SLC16A3: variants seen among roughly 807,000 people sequenced by gnomAD.
SLC16A3 encodes solute carrier family 16 member 3.
A neutral mutation model predicts 25.0 loss-of-function variants in SLC16A3; 22 were observed. That is an observed-to-expected ratio of 0.88 (90% CI 0.63 to 1.26). SLC16A3 has a LOEUF of 1.26. SLC16A3 is among the 50% of genes most tolerant of loss of function. The pLI is 0.00. For missense variants in SLC16A3, 731 were observed against 666.6 expected, an observed-to-expected ratio of 1.10 and a Z score of -1.06; for synonymous variants, 390 against 309.2, an observed-to-expected ratio of 1.26 and a Z score of -2.74.
rs773686664 is a variant in SLC16A3, at chr17:82,237,562, C to T, written c.792C>T (p.Ala264=). 5 of 1,611,362 alleles carry T rather than the reference C, an allele frequency of 3.1e-6. No homozygotes were observed. The Admixed American group carries it at 5.0e-5, about 16-fold the overall frequency. Residue 264 remains alanine (A), a synonymous_variant, in exon 4 of 5, where the codon GCC becomes GCT. Coordinates refer to ENST00000582743, the MANE Select transcript of SLC16A3 (RefSeq NM_004207.4). ...TGGGCGTGCCCGACACCAAGGCCGC[C>T]TTCCTGCTCACCATCCTGGGCTTCA... is the stretch of plus-strand genomic sequence containing the variant. ...KDLGVPDTKA[A]FLLTILGFID...
intron 1 of SLC16A3, chr17:82,233,854 T>G (rs2050540858): frequency 6.6e-6 from 1 of 152,220 alleles, no homozygotes; most frequent in South Asian, 2.1e-4. Flanking sequence ...TTTTATTTTT[T>G]TTTTGAGACA....
Position 82,237,283 on chromosome 17 carries a change from G to T in SLC16A3, c.513G>T (p.Gln171His). 6.4e-7 allele frequency: 1 copy of T among 1,563,634 alleles called. No homozygotes were observed. Among genetic ancestry groups the T allele is most frequent in the East Asian group, 2.4e-5 (1 of 42,000 alleles). ...TGAGCCCGCTGGGGCAGCTGCTGCA[G>T]GACCGCTACGGCTGGCGGGGCGGCT... The part of the protein sequence containing the change: ...CALSPLGQLL[Q>H]DRYGWRGGFL... Residue 171 changes from glutamine to histidine, a missense_variant, in exon 4 of 5, where the codon CAG (glutamine) becomes CAT (histidine). By Grantham distance (24) the Gln-to-His change is conservative (BLOSUM62 0). Transcript: ENST00000582743.
upstream of SLC16A3, among the ~76,000 whole-genome samples, chr17:82,227,437 G>C (rs2050430167): frequency 6.6e-6 from 1 of 152,150 alleles, no homozygotes; most frequent in African/African-American, 2.4e-5. Flanking sequence ...CTGGGATGGG[G>C]AGCACGGTAC....
chr17:82,229,547 G>T (rs536034270), intron 1 of SLC16A3: 1 of 152,350 alleles, frequency 6.6e-6, no homozygotes, highest in Non-Finnish European at 1.5e-5. Flanking sequence ...GAGCACTTGC[G>T]CTCGGGCCGT....
chr17:82,239,230 C>T lies in SLC16A3; in HGVS notation c.*254C>T. On this transcript the variant is annotated 3_prime_UTR_variant, in exon 5 of 5. Coordinates refer to ENST00000582743, the MANE Select transcript of SLC16A3 (RefSeq NM_004207.4). ...CTCACCAGGGGCCCCGCCTGCTGCTCCCAGGTGGCCTGCGGCCACTGCTAT... is the reference window on the plus strand; with the variant it reads ...CTCACCAGGGGCCCCGCCTGCTGCTTCCAGGTGGCCTGCGGCCACTGCTAT... The T allele has an allele frequency of 3.6e-6, 1 of 279,952 alleles. No homozygotes were observed. Among genetic ancestry groups the T allele is most frequent in the East Asian group, 5.9e-5 (1 of 16,992 alleles). 17.3% of individuals were successfully genotyped at this position (279,952 alleles called of 1,614,324 possible). A position where few individuals can be genotyped will look rare whatever the true frequency, so the allele number is the denominator to read the frequency against.
intron 1 of SLC16A3, among the ~76,000 whole-genome samples, chr17:82,222,784 C>A (rs978642927): frequency 8.6e-5 from 10 of 116,840 alleles, no homozygotes; most frequent in African/African-American, 2.7e-4. Context: ...GCCTGGGGGA[C>A]AAGAGCGAGA....
intron 1 of SLC16A3, among the ~76,000 whole-genome samples, chr17:82,221,394 GTACAAAAACA>G (rs1380516099): frequency 6.6e-6 from 1 of 151,660 alleles, no homozygotes; most frequent in Non-Finnish European, 1.5e-5. Flanking sequence ...AACCCTGTCT[GTACAAAAACA>G]TACAAAAACA....
rs151041211 is a variant in SLC16A3, at chr17:82,218,969, G to C, written c.-27+785G>C. Among the ~76,000 whole-genome samples the C allele has an allele frequency of 3.3e-5, 5 of 152,278 alleles. No homozygotes were observed. In the East Asian group the frequency reaches 9.6e-4, roughly 29 times the overall value. On this transcript the variant is annotated intron_variant, in intron 1 of 4. Transcript: ENST00000580098. ...ACATGGGGGTTGAGGATAAGGGAGA[G>C]AAAGGCTGAGGCAGCCCCGTGTGAG... is the stretch of plus-strand genomic sequence containing the variant.
chr17:82,233,620 T>G (rs1204738135), intron 1 of SLC16A3: 1 of 152,264 alleles, frequency 6.6e-6, no homozygotes, highest in Non-Finnish European at 1.5e-5. Flanking sequence ...TACCTCTTTG[T>G]GTTTTGCAGG....
intron 1 of SLC16A3, chr17:82,234,450 TCTG>T (rs1312199201): frequency 6.6e-6 from 1 of 152,258 alleles, no homozygotes; most frequent in East Asian, 1.9e-4. Context: ...GGGGGTCTGT[TCTG>T]CTCCAGTGGG....
upstream of SLC16A3, among the ~76,000 whole-genome samples, chr17:82,227,693 G>A (rs375716798): frequency 1.8e-3 from 274 of 148,886 alleles, 12 homozygotes; most frequent in African/African-American, 5.7e-3. Context: ...AGCAGCACGG[G>A]CCAACTAAGT....
chr17:82,233,075 C>T lies in SLC16A3; in HGVS notation c.-26-2908C>T, dbSNP rs184685939. Reference sequence around the variant, plus strand: ...TCTGTACCTTGGCCCATCACGGTGCCGGGGTTATCCTGGAAGATGGGGAGT... The same window carrying T: ...TCTGTACCTTGGCCCATCACGGTGCTGGGGTTATCCTGGAAGATGGGGAGT... On this transcript the variant is annotated intron_variant, in intron 1 of 4. Transcript: ENST00000582743. Among the ~76,000 whole-genome samples, 123 of 152,254 alleles carry T rather than the reference C, an allele frequency of 8.1e-4. No homozygotes were observed. The East Asian group carries it at 0.012, about 15-fold the overall frequency.
intron 3 of SLC16A3, 82 bp downstream of exon 3, chr17:82,236,954 A>G: frequency 6.4e-7 from 1 of 1,556,866 alleles, no homozygotes. Flanking sequence ...AGGCCTCTGG[A>G]GGACAGCAGG....
Position 82,239,074 on chromosome 17 carries a change from G to T in SLC16A3, c.*98G>T. ...CTGGACTGGCTCAGGCAGGGCCACG[G>T]CTGGGCTCCAGCTGCCGGCCCAGCG... On this transcript the variant is annotated 3_prime_UTR_variant, in exon 5 of 5. Coordinates refer to ENST00000582743, the MANE Select transcript of SLC16A3 (RefSeq NM_004207.4). 8.0e-7 allele frequency: 1 copy of T among 1,245,976 alleles called. No individual in the cohort carries two copies. The highest frequency in any genetic ancestry group is 1.1e-6 in the Non-Finnish European group (1 of 921,550). The allele number at this position is 1,245,976 out of a possible 1,614,324, so 77.2% of individuals were successfully genotyped here.
In SLC16A3 at chr17:82,237,658, C is replaced by G; in HGVS notation, c.888C>G (p.Tyr296Ter). The G allele has an allele frequency of 6.2e-7, 1 of 1,613,042 alleles. No homozygotes were observed. Among genetic ancestry groups the G allele is most frequent in the Non-Finnish European group, 8.5e-7 (1 of 1,179,926 alleles). Reference sequence around the variant, plus strand: ...GGAAGGTGCGGCCCTACTCCGTCTACCTCTTCAGCTTCTCCATGTTCTTCA... The same window carrying G: ...GGAAGGTGCGGCCCTACTCCGTCTAGCTCTTCAGCTTCTCCATGTTCTTCA... ...GLGKVRPYSV[Y>*]LFSFSMFFNG... The change falls in exon 4 of 5, where the codon TAC (tyrosine) becomes TAG (stop). Residue 296 changes from tyrosine to a stop codon, truncating the protein, a stop_gained. Coordinates refer to ENST00000582743, the MANE Select transcript of SLC16A3 (RefSeq NM_004207.4). LOFTEE classifies it high-confidence loss of function.
rs976930289 is a variant in SLC16A3, at chr17:82,237,160, C to G, written c.390C>G (p.Phe130Leu). Reference sequence around the variant, plus strand: ...CAGGGTTGGGTTTGGCACTCAACTTCCAGCCCTCGCTCATCATGCTGAACC... The same window carrying G: ...CAGGGTTGGGTTTGGCACTCAACTTGCAGCCCTCGCTCATCATGCTGAACC... The part of the protein sequence containing the change: ...VITGLGLALN[F>L]QPSLIMLNRY... Residue 130 changes from phenylalanine (F) to leucine (L), a missense_variant, in exon 4 of 5, where the codon TTC becomes TTG. Transcript: ENST00000582743. 2 of 1,511,040 alleles carry G rather than the reference C, an allele frequency of 1.3e-6. No individual in the cohort carries two copies. Among genetic ancestry groups the G allele is most frequent in the Non-Finnish European group, 1.8e-6 (2 of 1,128,840 alleles). The allele number at this position is 1,511,040 out of a possible 1,614,324, so 93.6% of individuals were successfully genotyped here.
At position 82,236,160 on chromosome 17, in the gene SLC16A3, A is replaced by G. The variant is rs1489666928; in HGVS notation, c.152A>G (p.Gln51Arg). The change falls in exon 2 of 5, where the codon CAG (glutamine) becomes CGG (arginine). Residue 51 changes from glutamine to arginine, a missense_variant. Transcript: ENST00000582743. ...AVSVFFKELI[Q>R]EFGIGYSDTA... ...AGTGTCTTCTTCAAGGAGCTCATAC[A>G]GGAGTTTGGGATCGGCTACAGCGAC... 7 of 1,613,254 alleles carry G rather than the reference A, an allele frequency of 4.3e-6. No homozygotes were observed. The Admixed American group carries it at 5.0e-5, about 12-fold the overall frequency.
At chr17:82,238,605 C>T in intron 4 of SLC16A3, 97 bp from the exon 5 acceptor site, 1 of 1,293,708 alleles carries the variant, frequency 7.7e-7, no homozygotes, top group East Asian at 2.5e-5. Flanking sequence ...CAGGGTGACC[C>T]TTGCGTGCTG....
At position 82,237,567 on chromosome 17, in the gene SLC16A3, T is replaced by G; in HGVS notation, c.797T>G (p.Leu266Arg). Residue 266 changes from leucine (L) to arginine (R), a missense_variant, in exon 4 of 5, where the codon CTG becomes CGG. Leu to Arg is a moderately radical substitution (Grantham distance 102). Transcript: ENST00000582743. ...LGVPDTKAAF[L>R]LTILGFIDIF... Reference sequence around the variant, plus strand: ...GTGCCCGACACCAAGGCCGCCTTCCTGCTCACCATCCTGGGCTTCATTGAC... The same window carrying G: ...GTGCCCGACACCAAGGCCGCCTTCCGGCTCACCATCCTGGGCTTCATTGAC... 3 of 1,611,670 alleles carry G rather than the reference T, an allele frequency of 1.9e-6. No individual in the cohort carries two copies. Among genetic ancestry groups the G allele is most frequent in the Non-Finnish European group, 2.5e-6 (3 of 1,179,032 alleles).
Sources: allele counts gnomAD v4.1 joint callset (sites outside exome capture counted in the v4.1 genomes callset), GRCh38; gene constraint gnomAD v4.1.1; transcripts MANE v1.5; gene names NCBI Gene and HGNC (gene_info 2026-07-23, HGNC 2026-07-21).